Variants in ADAM29 observed in about 807,000 individuals in gnomAD.
The protein encoded by ADAM29 is ADAM metallopeptidase domain 29.
For missense variants in ADAM29, 969 were observed against 1,001.8 expected, an observed-to-expected ratio of 0.97 and a Z score of 0.44; for synonymous variants, 367 against 342.3, an observed-to-expected ratio of 1.07 and a Z score of -0.80.
At position 174,976,453 on chromosome 4, in the gene ADAM29, C is replaced by T. The variant is rs1234490611; in HGVS notation, c.928C>T (p.His310Tyr). The change falls in exon 5 of 5, where the codon CAC (histidine) becomes TAC (tyrosine). Residue 310 changes from histidine (H) to tyrosine (Y), a missense_variant. Coordinates refer to ENST00000359240, the MANE Select transcript of ADAM29 (RefSeq NM_014269.4). ...AGCTTTTAGAGGAATGTGTACACCA[C>T]ACCGTAGTTGTGCAATTGTTACTTT... is the stretch of plus-strand genomic sequence containing the variant. Reference protein sequence around the residue: ...IGAFRGMCTPHRSCAIVTFMN... With the variant: ...IGAFRGMCTPYRSCAIVTFMN... 6.2e-7 allele frequency: 1 copy of T among 1,608,672 alleles called. No individual in the cohort carries two copies. The highest frequency in any genetic ancestry group is 1.1e-5 in the South Asian group (1 of 89,866).
intron 4 of ADAM29, among the ~76,000 whole-genome samples, chr4:174,947,013 T>A (rs1744887405): frequency 6.6e-6 from 1 of 152,150 alleles, no homozygotes; most frequent in Admixed American, 6.5e-5. Context: ...TCTTCTAGGT[T>A]TTCTAGCTTG....
chr4:174,947,443 T>C (rs1363882635), intron 4 of ADAM29, among the ~76,000 whole-genome samples: 1 of 152,198 alleles, frequency 6.6e-6, no homozygotes, highest in Admixed American at 6.5e-5. Context: ...GTATGTTGTA[T>C]CATAGTTTTC....
intron 2 of ADAM29, among the ~76,000 whole-genome samples, chr4:174,929,755 CT>C (rs61292393): frequency 0.71 from 98,824 of 139,918 alleles, 34,678 homozygotes; most frequent in East Asian, 0.83. Context: ...ATCTCTCTCT[CT>C]TTTTTTTTTT....
chr4:174,921,945 C>A (rs1743187020), intron 2 of ADAM29, among the ~76,000 whole-genome samples: 1 of 152,054 alleles, frequency 6.6e-6, no homozygotes, highest in African/African-American at 2.4e-5. Context: ...TTTAGGAAGC[C>A]AGACTTATCA....
intron 4 of ADAM29, among the ~76,000 whole-genome samples, chr4:174,950,023 C>T (rs1745080490): frequency 1.3e-5 from 2 of 152,164 alleles, no homozygotes; most frequent in Non-Finnish European, 2.9e-5. Context: ...TATCTTGGAT[C>T]TATTCAACTT....
At chr4:174,937,355 A>G (rs1019878717) in intron 4 of ADAM29, among the ~76,000 whole-genome samples, 1 of 152,074 alleles carries the variant, frequency 6.6e-6, no homozygotes, top group African/African-American at 2.4e-5. Flanking sequence ...TCAATTTTCC[A>G]TTCTATTTTT....
chr4:174,976,363 C>A lies in ADAM29; in HGVS notation c.838C>A (p.Arg280=). The change falls in exon 5 of 5, where the codon CGG becomes AGG. Residue 280 remains arginine, a synonymous_variant. Transcript: ENST00000359240. ...CKWKSENITP[R]MQHDTSHLFT... ...GTGGAAGTCGGAGAACATTACGCCC[C>A]GGATGCAACATGACACCTCACATCT... The A allele has an allele frequency of 6.2e-7, 1 of 1,604,562 alleles. No individual in the cohort carries two copies. Among genetic ancestry groups the A allele is most frequent in the South Asian group, 1.1e-5 (1 of 88,846 alleles).
intron 2 of ADAM29, among the ~76,000 whole-genome samples, chr4:174,927,401 T>C (rs963521273): frequency 1.3e-5 from 2 of 152,162 alleles, no homozygotes; most frequent in Non-Finnish European, 2.9e-5. Flanking sequence ...ATAAAACAAT[T>C]TGGGGAGAAC....
rs748355177 is a variant in ADAM29 at position 174,977,997 on chromosome 4, T to G, written c.*9T>G. On this transcript the variant is annotated 3_prime_UTR_variant, in exon 5 of 5. Coordinates refer to ENST00000359240, the MANE Select transcript of ADAM29 (RefSeq NM_014269.4). Reference sequence around the variant, plus strand: ...CTGTGACGCCCTCCTAGAGCCAACCTCAGTTGATGCCTTCCCAGAGTCAAC... The same window carrying G: ...CTGTGACGCCCTCCTAGAGCCAACCGCAGTTGATGCCTTCCCAGAGTCAAC... 1 of 1,600,660 alleles carries G rather than the reference T, an allele frequency of 6.2e-7. No homozygotes were observed. Among genetic ancestry groups the G allele is most frequent in the Non-Finnish European group, 8.5e-7 (1 of 1,171,728 alleles).
chr4:174,962,507 G>A (rs1256290411), intron 4 of ADAM29, among the ~76,000 whole-genome samples: 19 of 135,390 alleles, frequency 1.4e-4, no homozygotes, highest in South Asian at 6.9e-4. Context: ...GCGAGACTCC[G>A]TCACAAAAAA....
intron 4 of ADAM29, among the ~76,000 whole-genome samples, chr4:174,970,851 TGA>T (rs1211912738): frequency 1.3e-5 from 2 of 152,162 alleles, no homozygotes; most frequent in Non-Finnish European, 2.9e-5. Context: ...TTTCTGATAT[TGA>T]GTCTTCTTTT....
At chr4:174,949,898 A>G (rs1745074104) in intron 4 of ADAM29, among the ~76,000 whole-genome samples, 1 of 151,764 alleles carries the variant, frequency 6.6e-6, no homozygotes. Flanking sequence ...ATCACTCCCC[A>G]TATTTGTTAA....
intron 2 of ADAM29, among the ~76,000 whole-genome samples, chr4:174,921,317 T>C (rs1318262616): frequency 6.6e-6 from 1 of 152,192 alleles, no homozygotes. Context: ...CCAAGTGAAG[T>C]CTTCTTAAAA....
chr4:174,934,708 C>G (rs1277585955), intron 3 of ADAM29, among the ~76,000 whole-genome samples: 1 of 152,172 alleles, frequency 6.6e-6, no homozygotes, highest in Non-Finnish European at 1.5e-5. Context: ...GGTTTCCCAT[C>G]TTCCGCAGGA....
At chr4:174,963,654 T>A (rs188471195) in intron 4 of ADAM29, among the ~76,000 whole-genome samples, 10 of 151,280 alleles carry the variant, frequency 6.6e-5, no homozygotes, top group African/African-American at 2.4e-4. Context: ...AGAAACAGAA[T>A]GAAAAACTTG....
At chr4:174,932,296 A>AG (rs908829872) in intron 3 of ADAM29, among the ~76,000 whole-genome samples, 12 of 146,002 alleles carry the variant, frequency 8.2e-5, no homozygotes, top group African/African-American at 3.2e-4. Context: ...TCAAAAAAGA[A>AG]GAAAAAAAAA....
chr4:174,942,810 G>A (rs999239980), intron 4 of ADAM29, among the ~76,000 whole-genome samples: 2 of 152,094 alleles, frequency 1.3e-5, no homozygotes, highest in African/African-American at 4.8e-5. Flanking sequence ...CCAGAAAATG[G>A]GTTTTTCTTT....
chr4:174,970,670 T>A (rs1746423066), intron 4 of ADAM29, among the ~76,000 whole-genome samples: 1 of 152,118 alleles, frequency 6.6e-6, no homozygotes, highest in Admixed American at 6.6e-5. Context: ...TTGTGGTAAT[T>A]TTTTACAGCA....
chr4:174,941,303 G>A (rs1744523923), intron 4 of ADAM29, among the ~76,000 whole-genome samples: 1 of 152,180 alleles, frequency 6.6e-6, no homozygotes, highest in Non-Finnish European at 1.5e-5. Context: ...TAAATGTCAG[G>A]TTATTGTGGT....
Sources: allele counts gnomAD v4.1 joint callset (sites outside exome capture counted in the v4.1 genomes callset), GRCh38; gene constraint gnomAD v4.1.1; transcripts MANE v1.5; gene names NCBI Gene and HGNC (gene_info 2026-07-23, HGNC 2026-07-21).